Variants in GNG12 observed in about 807,000 individuals in gnomAD.
GNG12 encodes the protein G protein subunit gamma 12, also known as guanine nucleotide-binding protein G(I)/G(S)/G(O) subunit gamma-12.
For synonymous variants in GNG12, 28 were observed against 29.7 expected, an observed-to-expected ratio of 0.94 and a Z score of 0.19; for missense variants, 69 against 83.8, an observed-to-expected ratio of 0.82 and a Z score of 0.69.
rs12143924 is a variant in GNG12, at chr1:67,785,528, C to T, written c.-76-8021G>A. 3.4e-3 allele frequency among the ~76,000 whole-genome samples: 516 copies of T among 152,132 alleles called. 2 individuals carry two copies. Among genetic ancestry groups the T allele is most frequent in the Admixed American group, 6.7e-3 (103 of 15,260 alleles). On this transcript the variant is annotated intron_variant, in intron 1 of 3. Transcript: ENST00000370982. ...ACTGGGTGGTAAGGTACCAGTGGTC[C>T]ATATTTTAGTTGTATCTCCTAAATC... is the stretch of plus-strand genomic sequence containing the variant.
chr1:67,801,791 A>G (rs1383389303), intron 1 of GNG12, among the ~76,000 whole-genome samples: 1 of 152,176 alleles, frequency 6.6e-6, no homozygotes, highest in African/African-American at 2.4e-5. Flanking sequence ...GTATCTGCAG[A>G]ATGGGATGAT....
At chr1:67,787,061 G>GTATGTATATATATGTGTATATC (rs1348635161) in intron 1 of GNG12, among the ~76,000 whole-genome samples, 1 of 149,954 alleles carries the variant, frequency 6.7e-6, no homozygotes, top group African/African-American at 2.5e-5. Flanking sequence ...GTGTGTGTGT[G>GTATGTATATATATGTGTATATC]TGTGTGTGTA....
intron 2 of GNG12, among the ~76,000 whole-genome samples, chr1:67,761,745 C>T (rs1033615704): frequency 6.6e-6 from 1 of 152,142 alleles, no homozygotes; most frequent in African/African-American, 2.4e-5. Context: ...ACCCTTAGTC[C>T]CTTACCCTCC....
At chr1:67,720,231 G>C (rs1363183080) in intron 2 of GNG12, among the ~76,000 whole-genome samples, 5 of 152,146 alleles carry the variant, frequency 3.3e-5, no homozygotes, top group African/African-American at 4.8e-5. Flanking sequence ...AGATTCCAAG[G>C]GACCATGCAC....
chr1:67,730,529 G>A (rs753614125), intron 2 of GNG12, among the ~76,000 whole-genome samples: 2 of 145,680 alleles, frequency 1.4e-5, no homozygotes, highest in Non-Finnish European at 1.5e-5. Flanking sequence ...ACCGACCCCC[G>A]CCAAAAAAAG....
chr1:67,807,006 G>A (rs1646897545), intron 1 of GNG12, among the ~76,000 whole-genome samples: 1 of 151,976 alleles, frequency 6.6e-6, no homozygotes, highest in Non-Finnish European at 1.5e-5. Context: ...AGTTCACATG[G>A]AACAGTCACT....
At chr1:67,767,310 C>T (rs1168051316) in intron 2 of GNG12, among the ~76,000 whole-genome samples, 4 of 152,164 alleles carry the variant, frequency 2.6e-5, no homozygotes, top group Non-Finnish European at 4.4e-5. Flanking sequence ...GACAGGGGTT[C>T]AGCACGACAG....
intron 1 of GNG12, among the ~76,000 whole-genome samples, chr1:67,786,660 C>G (rs1482729290): frequency 6.6e-6 from 1 of 152,046 alleles, no homozygotes; most frequent in Admixed American, 6.6e-5. Flanking sequence ...CAGTAGCTCA[C>G]GCCTGTAATA....
At chr1:67,815,063 A>G (rs1646945786) in intron 1 of GNG12, among the ~76,000 whole-genome samples, 1 of 152,210 alleles carries the variant, frequency 6.6e-6, no homozygotes, top group South Asian at 2.1e-4. Flanking sequence ...GTGCTTCTGG[A>G]AAGTGTTACC....
intron 2 of GNG12, among the ~76,000 whole-genome samples, chr1:67,724,123 T>C (rs1033443228): frequency 8.5e-5 from 13 of 152,112 alleles, no homozygotes; most frequent in African/African-American, 3.1e-4. Flanking sequence ...GTTTCAGAGA[T>C]GGTTGGCACT....
intron 2 of GNG12, among the ~76,000 whole-genome samples, chr1:67,708,727 AG>A (rs1646264479): frequency 2.6e-5 from 4 of 152,206 alleles, no homozygotes; most frequent in African/African-American, 4.8e-5. Flanking sequence ...AGGAAAACGC[AG>A]GGCTGGCAGG....
chr1:67,772,109 G>A lies in GNG12; in HGVS notation c.-27+5349C>T, dbSNP rs569706061. 2.0e-5 allele frequency among the ~76,000 whole-genome samples: 3 copies of A among 152,162 alleles called. No homozygotes were observed. The South Asian group carries it at 6.2e-4, about 32-fold the overall frequency. ...TTAAGCAAGAGGGGCCCAGGGAAGG[G>A]GGTAGGCATGGAGTCCTGTGACATA... On this transcript the variant is annotated intron_variant, in intron 2 of 3. Coordinates refer to ENST00000370982, the MANE Select transcript of GNG12 (RefSeq NM_018841.6).
At chr1:67,709,925 TA>T (rs1646275111) in intron 2 of GNG12, among the ~76,000 whole-genome samples, 1 of 41,300 alleles carries the variant, frequency 2.4e-5, no homozygotes, top group African/African-American at 8.9e-5. Context: ...TATATATAGT[TA>T]TATATATAGT....
intron 1 of GNG12, among the ~76,000 whole-genome samples, chr1:67,801,520 T>C (rs991862232): frequency 6.6e-6 from 1 of 152,224 alleles, no homozygotes; most frequent in Admixed American, 6.5e-5. Flanking sequence ...TTGGTGCAGT[T>C]AGTCTATGAA....
At chr1:67,751,023 C>T (rs1322700270) in intron 2 of GNG12, among the ~76,000 whole-genome samples, 3 of 152,082 alleles carry the variant, frequency 2.0e-5, no homozygotes, top group Non-Finnish European at 4.4e-5. Context: ...TTTTGTTTTT[C>T]CTTTTACATT....
intron 3 of GNG12, among the ~76,000 whole-genome samples, chr1:67,706,491 G>C (rs1201574452): frequency 6.6e-6 from 1 of 152,204 alleles, no homozygotes; most frequent in East Asian, 1.9e-4. Context: ...GTCTGGGAGG[G>C]AGATCCTACA....
At chr1:67,778,842 T>C (rs886298209) in intron 1 of GNG12, among the ~76,000 whole-genome samples, 1 of 152,200 alleles carries the variant, frequency 6.6e-6, no homozygotes, top group African/African-American at 2.4e-5. Context: ...CATCAAATGA[T>C]CCAAGTCTGC....
chr1:67,733,143 T>C (rs1646430524), intron 2 of GNG12, among the ~76,000 whole-genome samples: 1 of 152,210 alleles, frequency 6.6e-6, no homozygotes. Context: ...CTGAGTTTCC[T>C]TCCCTCTTAC....
chr1:67,798,268 C>T (rs1487770735), intron 1 of GNG12, among the ~76,000 whole-genome samples: 4 of 152,132 alleles, frequency 2.6e-5, no homozygotes, highest in Admixed American at 2.0e-4. Context: ...AGCACGAACC[C>T]TATGGTGAAC....
Sources: gnomAD v4.1 joint callset for allele counts (sites outside exome capture counted in the v4.1 genomes callset) on GRCh38, gnomAD v4.1.1 for gene constraint, MANE v1.5 for transcripts, NCBI Gene and HGNC (gene_info 2026-07-23, HGNC 2026-07-21) for gene names.